The following KLHL30 variants were observed in gnomAD, a reference collection of about 807,000 sequenced individuals.
KLHL30 encodes kelch-like protein 30.
A neutral mutation model predicts 55.0 loss-of-function variants in KLHL30; 55 were observed. The ratio of observed to expected loss-of-function variants is 1.00; its 90% CI spans 0.80 to 1.25. The LOEUF (loss-of-function observed/expected upper bound fraction) is 1.25. Among genes scored for constraint, KLHL30 ranks in the 50% most tolerant of loss-of-function variants. KLHL30 has a pLI of 0.00. For missense variants in KLHL30, 786 were observed against 811.6 expected (o/e 0.97, Z 0.38); for synonymous variants, 356 against 372.6 (o/e 0.96, Z 0.51).
rs201340459 is a variant in KLHL30, at chr2:238,144,959, C to A, written c.965C>A (p.Ala322Glu). 5 of 1,609,472 alleles carry A rather than the reference C, an allele frequency of 3.1e-6. No individual in the cohort carries two copies. Among genetic ancestry groups the A allele is most frequent in the Non-Finnish European group, 4.2e-6 (5 of 1,178,116 alleles). The change falls in exon 4 of 8, where the codon GCG (alanine) becomes GAG (glutamate). Residue 322 changes from alanine to glutamate, a missense_variant. By Grantham distance (107) the Ala-to-Glu change is moderately radical. Coordinates refer to ENST00000409223, the MANE Select transcript of KLHL30 (RefSeq NM_198582.4). ...PDYHKWGFSL[A>E]ALNNNIYVTG... ...TATCACAAGTGGGGTTTCTCCCTGG[C>A]GGCCCTGAACAACAACATCTATGTC...
chr2:238,142,031 G>T (rs535533686), intron 2 of KLHL30, among the ~76,000 whole-genome samples: 85 of 152,214 alleles, frequency 5.6e-4, no homozygotes, highest in Non-Finnish European at 1.9e-4. Flanking sequence ...CTGGCAGTCC[G>T]CCTGAGCTTT....
At chr2:238,145,066 G>A in intron 4 of KLHL30, 78 bp downstream of exon 4, 1 of 1,196,330 alleles carries the variant, frequency 8.4e-7, no homozygotes, top group South Asian at 1.3e-5. Flanking sequence ...CGCACTCCGT[G>A]GGGTCCCTGA....
rs1200726955 is a variant in KLHL30 at position 238,141,377 on chromosome 2, C to T, written c.623C>T (p.Pro208Leu). 8 of 1,596,206 alleles carry T rather than the reference C, an allele frequency of 5.0e-6. No individual in the cohort carries two copies. The highest frequency in any genetic ancestry group is 2.2e-5 in the East Asian group (1 of 44,634). Residue 208 changes from proline to leucine, a missense_variant, in exon 2 of 8, where the codon CCG becomes CTG. Physicochemically the swap from Pro to Leu is moderately conservative, Grantham distance 98. Coordinates refer to ENST00000409223, the MANE Select transcript of KLHL30 (RefSeq NM_198582.4). The part of the protein sequence containing the change: ...EALMRWVRHD[P>L]QARAAHLPEL... ...CTGATGCGCTGGGTGCGCCATGACCCGCAGGCCCGGGCCGCCCACCTGCCC... is the reference window on the plus strand; with the variant it reads ...CTGATGCGCTGGGTGCGCCATGACCTGCAGGCCCGGGCCGCCCACCTGCCC...
At chr2:238,149,470 A>G (rs1024954604) in intron 7 of KLHL30, among the ~76,000 whole-genome samples, 3 of 152,162 alleles carry the variant, frequency 2.0e-5, no homozygotes, top group Non-Finnish European at 4.4e-5. Context: ...CCCCCAGGCT[A>G]CAAGGTGACA....
intron 4 of KLHL30, 56 bp from the exon 5 acceptor site, chr2:238,145,621 C>T: frequency 1.3e-6 from 2 of 1,540,830 alleles, no homozygotes; most frequent in Non-Finnish European, 1.8e-6. Flanking sequence ...ATCCACACCC[C>T]ATGGCCTGGT....
In KLHL30 at chr2:238,144,422, G is replaced by GGAATGAAGGAAGGAAT. The variant is rs1559275973; in HGVS notation, c.908-477_908-476insTGAAGGAAGGAATGAA. 7.5e-5 allele frequency among the ~76,000 whole-genome samples: 8 copies of GGAATGAAGGAAGGAAT among 106,100 alleles called. No homozygotes were observed. The South Asian group carries it at 2.1e-3, about 28-fold the overall frequency. 69.6% of individuals were successfully genotyped at this position (106,100 alleles called of 152,430 possible). On this transcript the variant is annotated intron_variant, in intron 3 of 7. Coordinates refer to ENST00000409223, the MANE Select transcript of KLHL30 (RefSeq NM_198582.4). Reference sequence around the variant, plus strand: ...AGGAAGGAAGGAAGGAAGGAAGGAAGGAAGGAAGGAAGGCAGGCAGGCAGG... The same window carrying GGAATGAAGGAAGGAAT: ...AGGAAGGAAGGAAGGAAGGAAGGAAGGAATGAAGGAAGGAATGAAGGAAGGAAGGCAGGCAGGCAGG...
chr2:238,145,725 G>A lies in KLHL30; in HGVS notation c.1043G>A (p.Trp348Ter). 5 of 1,593,194 alleles carry A rather than the reference G, an allele frequency of 3.1e-6. No homozygotes were observed. The highest frequency in any genetic ancestry group is 4.3e-6 in the Non-Finnish European group (5 of 1,171,332). The change falls in exon 5 of 8, where the codon TGG becomes TAG. Residue 348 changes from tryptophan (W) to a stop codon, truncating the protein, a stop_gained. Transcript: ENST00000409223. LOFTEE classifies it high-confidence loss of function. ...GACACCTGGTCAACCACCCAGGCCT[G>A]GTGCTTCCCCCTGAAGGAGGCCTCC... Reference protein sequence around the residue: ...KTDTWSTTQAWCFPLKEASWK... With the variant: ...KTDTWSTTQA
intron 1 of KLHL30, among the ~76,000 whole-genome samples, chr2:238,139,867 T>C (rs554814355): frequency 6.6e-6 from 1 of 152,338 alleles, no homozygotes; most frequent in East Asian, 1.9e-4. Flanking sequence ...TAGGGTGCGA[T>C]ACCAGAAGGA....
At position 238,150,760 on chromosome 2, in the gene KLHL30, A is replaced by G. The variant is rs1574761790; in HGVS notation, c.1486-54A>G. ...CCCCGACCCTGCTGAGGGCACCCTC[A>G]GCCCTGCTCTCCAGCTCCCGCCCAC... On this transcript the variant is annotated intron_variant, in intron 7 of 7. Coordinates refer to ENST00000409223, the MANE Select transcript of KLHL30 (RefSeq NM_198582.4). The G allele has an allele frequency of 3.3e-6, 5 of 1,522,906 alleles. No individual in the cohort carries two copies. The East Asian group carries it at 1.2e-4, about 38-fold the overall frequency. 94.3% of individuals were successfully genotyped at this position (1,522,906 alleles called of 1,614,324 possible). A position where few individuals can be genotyped will look rare whatever the true frequency, so the allele number is the denominator to read the frequency against.
intron 6 of KLHL30, 38 bp from the exon 7 acceptor site, chr2:238,148,969 A>G: frequency 6.4e-7 from 1 of 1,556,284 alleles, no homozygotes; most frequent in Non-Finnish European, 8.7e-7. Flanking sequence ...CGCTCTGGCA[A>G]CCCTGGTGAC....
At chr2:238,149,564 C>T (rs975894301) in intron 7 of KLHL30, among the ~76,000 whole-genome samples, 1 of 152,198 alleles carries the variant, frequency 6.6e-6, no homozygotes, top group African/African-American at 2.4e-5. Flanking sequence ...GCCACTGGTG[C>T]TCTGTCCCTG....
At position 238,147,637 on chromosome 2, in the gene KLHL30, C is replaced by T. The variant is rs993148939; in HGVS notation, c.1151-197C>T. Among the ~76,000 whole-genome samples, 12 of 152,160 alleles carry T rather than the reference C, an allele frequency of 7.9e-5. No individual in the cohort carries two copies. Among genetic ancestry groups the T allele is most frequent in the African/African-American group, 2.4e-4 (10 of 41,442 alleles). Reference sequence around the variant, plus strand: ...GGGCATTTCTAGGCCCGAGTGTCCACCCCCACCCCCACCACTTCCTGGCGG... The same window carrying T: ...GGGCATTTCTAGGCCCGAGTGTCCATCCCCACCCCCACCACTTCCTGGCGG... On this transcript the variant is annotated intron_variant, in intron 5 of 7. Transcript: ENST00000409223. The surrounding 1 kb of genome is among the most constrained non-coding windows in gnomAD (Gnocchi z 5.8).
In KLHL30 at chr2:238,151,495, G is replaced by T. The variant is rs76380483; in HGVS notation, c.*430G>T. ...CAGAAAGCTGAGGCTGCTGGGGAAG[G>T]CAGGCCCCGGAGATGGGATCAGCAC... On this transcript the variant is annotated 3_prime_UTR_variant, in exon 8 of 8. Coordinates refer to ENST00000409223, the MANE Select transcript of KLHL30 (RefSeq NM_198582.4). 9.1e-3 allele frequency: 1,905 copies of T among 209,882 alleles called. 33 individuals carry two copies. Among genetic ancestry groups the T allele is most frequent in the African/African-American group, 0.041 (1,791 of 43,512 alleles). The allele number at this position is 209,882 out of a possible 1,614,324, so 13.0% of individuals were successfully genotyped here.
Position 238,150,813 on chromosome 2 carries a change from G to C in KLHL30, c.1486-1G>C. On this transcript the variant is annotated splice_acceptor_variant, in intron 7 of 7. Coordinates refer to ENST00000409223, the MANE Select transcript of KLHL30 (RefSeq NM_198582.4). LOFTEE classifies it high-confidence loss of function. ...GACGCTAACCCGCTGACCGTGCACAGGTGCAGTCACAGCACAGCCTGCATG... is the reference window on the plus strand; with the variant it reads ...GACGCTAACCCGCTGACCGTGCACACGTGCAGTCACAGCACAGCCTGCATG... The C allele has an allele frequency of 6.3e-7, 1 of 1,580,604 alleles. No individual in the cohort carries two copies. Among genetic ancestry groups the C allele is most frequent in the Non-Finnish European group, 8.6e-7 (1 of 1,165,094 alleles).
At chr2:238,144,385 AGG>A (rs1258801661) in intron 3 of KLHL30, among the ~76,000 whole-genome samples, 1 of 63,234 alleles carries the variant, frequency 1.6e-5, no homozygotes, top group African/African-American at 5.6e-5. Context: ...GAAGGAAGGA[AGG>A]AAGGAAGGAA....
At chr2:238,142,373 TG>T (rs1204325468) in intron 2 of KLHL30, among the ~76,000 whole-genome samples, 1 of 151,828 alleles carries the variant, frequency 6.6e-6, no homozygotes, top group African/African-American at 2.4e-5. Context: ...TTCCTGGCAG[TG>T]GGAGATCTGG....
chr2:238,145,065 T>G, intron 4 of KLHL30, 77 bp downstream of exon 4: 4 of 1,175,630 alleles, frequency 3.4e-6, no homozygotes, highest in Non-Finnish European at 4.9e-6. Flanking sequence ...CCGCACTCCG[T>G]GGGGTCCCTG....
intron 3 of KLHL30, among the ~76,000 whole-genome samples, chr2:238,144,505 C>T (rs1692612958): frequency 6.6e-6 from 1 of 151,124 alleles, no homozygotes; most frequent in African/African-American, 2.4e-5. Context: ...TGTTATCACC[C>T]ACTAGTGACA....
chr2:238,141,986 G>A (rs56843529), intron 2 of KLHL30, among the ~76,000 whole-genome samples: 2,318 of 152,360 alleles, frequency 0.015, 62 homozygotes, highest in African/African-American at 0.053. Context: ...GGAAGGAGGT[G>A]CAGCTTGTGC....
Sources: gnomAD v4.1 joint callset for allele counts (sites outside exome capture counted in the v4.1 genomes callset) on GRCh38, gnomAD v4.1.1 for gene constraint, Gnocchi (gnomAD v3.1) non-coding constraint, MANE v1.5 for transcripts, NCBI Gene and HGNC (gene_info 2026-07-23, HGNC 2026-07-21) for gene names.